ZFP14: variants seen among roughly 807,000 people sequenced by gnomAD.
The protein encoded by ZFP14 is zinc finger protein 14 homolog.
A neutral mutation model predicts 54.5 loss-of-function variants in ZFP14; 22 were observed. The observed-to-expected ratio is 0.40, with a 90% CI of 0.29 to 0.58. The LOEUF (loss-of-function observed/expected upper bound fraction) is 0.58. Ranked by LOEUF, ZFP14 falls within the 20% of genes least tolerant of loss-of-function variation. The pLI is 0.39. For missense variants in ZFP14, 470 were observed against 637.8 expected, an observed-to-expected ratio of 0.74 and a Z score of 2.83; for synonymous variants, 159 against 204.0, an observed-to-expected ratio of 0.78 and a Z score of 1.88.
chr19:36,366,302 A>G (rs2031794144), intron 2 of ZFP14, among the ~76,000 whole-genome samples: 1 of 151,886 alleles, frequency 6.6e-6, no homozygotes, highest in African/African-American at 2.4e-5. Context: ...ATATGATTCC[A>G]CTTGAACAAA....
Position 36,340,255 on chromosome 19 carries a change from G to A in ZFP14, c.1571C>T (p.Thr524Ile), listed in dbSNP as rs752902626. ...KKAFRQHSHL[T>I]QHQKIHNGI ...TCCATTATGAATCTTCTGATGCTGA[G>A]TAAGGTGTGAATGCTGTCTAAAGGC... The change falls in exon 5 of 5, where the codon ACT becomes ATT. Residue 524 changes from threonine to isoleucine, a missense_variant. Physicochemically the swap from Thr to Ile is moderately conservative, Grantham distance 89 (BLOSUM62 -1). Transcript: ENST00000270001. This position sits in a 1 kb window ranked among gnomAD's most constrained non-coding sequence, Gnocchi z 5.4. The A allele has an allele frequency of 2.5e-6, 4 of 1,595,448 alleles. No individual in the cohort carries two copies. The highest frequency in any genetic ancestry group is 3.4e-6 in the Non-Finnish European group (4 of 1,170,148).
chr19:36,348,471 T>A (rs1245586235), intron 4 of ZFP14, among the ~76,000 whole-genome samples: 1 of 152,116 alleles, frequency 6.6e-6, no homozygotes, highest in African/African-American at 2.4e-5. Flanking sequence ...GGAGGATGTC[T>A]TACCAGGACA....
At position 36,362,161 on chromosome 19, in the gene ZFP14, G is replaced by A. The variant is rs1600079897; in HGVS notation, c.87C>T (p.Asp29=). 1 of 1,612,028 alleles carries A rather than the reference G, an allele frequency of 6.2e-7. No individual in the cohort carries two copies. The highest frequency in any genetic ancestry group is 8.5e-7 in the Non-Finnish European group (1 of 1,179,072). The part of the protein sequence containing the change: ...EWEFLDPAQR[D]LYRDVMWENY... ...TCTCCCACATTACATCCCTATATAA[G>A]TCCCTCTGAGCAGGATCCAGGAATT... is the stretch of plus-strand genomic sequence containing the variant. Residue 29 remains aspartate, a synonymous_variant, in exon 3 of 5, where the codon GAC becomes GAT. Coordinates refer to ENST00000270001, the MANE Select transcript of ZFP14 (RefSeq NM_020917.3).
intron 1 of ZFP14, among the ~76,000 whole-genome samples, chr19:36,375,069 C>A (rs2031939172): frequency 6.6e-6 from 1 of 152,256 alleles, no homozygotes; most frequent in South Asian, 2.1e-4. Context: ...CTTCTAAGCA[C>A]TGAAGGCAGC....
At chr19:36,358,375 T>C (rs1489665621) in intron 4 of ZFP14, among the ~76,000 whole-genome samples, 1 of 152,180 alleles carries the variant, frequency 6.6e-6, no homozygotes, top group African/African-American at 2.4e-5. Flanking sequence ...CCTCCCAAAG[T>C]GCTAGGATTA....
chr19:36,350,330 G>A (rs1354101701), intron 4 of ZFP14, among the ~76,000 whole-genome samples: 1 of 142,200 alleles, frequency 7.0e-6, no homozygotes, highest in Non-Finnish European at 1.6e-5. Flanking sequence ...GCTGAGCCTA[G>A]TGACTCAGGC....
intron 1 of ZFP14, among the ~76,000 whole-genome samples, chr19:36,374,656 T>C (rs1001793785): frequency 6.6e-6 from 1 of 152,158 alleles, no homozygotes; most frequent in Non-Finnish European, 1.5e-5. Context: ...TTAAAAATGA[T>C]GTTGCCTTAA....
intron 1 of ZFP14, among the ~76,000 whole-genome samples, chr19:36,372,988 T>C (rs571928529): frequency 1.3e-5 from 2 of 152,222 alleles, no homozygotes; most frequent in Admixed American, 1.3e-4. Context: ...TCTTAAAAAG[T>C]TGATCTCGAC....
intron 1 of ZFP14, among the ~76,000 whole-genome samples, chr19:36,377,608 G>C (rs1197623270): frequency 6.6e-6 from 1 of 151,662 alleles, no homozygotes; most frequent in Non-Finnish European, 1.5e-5. Context: ...TCTTCAGGAG[G>C]TTTACTTCCA....
chr19:36,370,997 T>C (rs1259413322), intron 1 of ZFP14, among the ~76,000 whole-genome samples: 2 of 152,220 alleles, frequency 1.3e-5, no homozygotes, highest in Non-Finnish European at 1.5e-5. Context: ...GCACAGTGGC[T>C]CACACTTGTA....
intron 3 of ZFP14, among the ~76,000 whole-genome samples, chr19:36,361,207 T>A (rs1410610033): frequency 1.3e-5 from 2 of 152,214 alleles, no homozygotes; most frequent in Non-Finnish European, 2.9e-5. Flanking sequence ...TAGGTAGAAC[T>A]GCATATGTCT....
At chr19:36,368,029 G>A (rs961813846) in intron 1 of ZFP14, 58 bp from the exon 2 acceptor site, 30 of 1,021,202 alleles carry the variant, frequency 2.9e-5, no homozygotes, top group Non-Finnish European at 3.9e-5. Flanking sequence ...CCAAAATGAT[G>A]TACATCATAA....
intron 4 of ZFP14, among the ~76,000 whole-genome samples, chr19:36,357,413 G>A (rs548331575): frequency 1.3e-5 from 2 of 152,262 alleles, no homozygotes; most frequent in Middle Eastern, 3.4e-3. Context: ...CATAAGTTGG[G>A]ACACTCATCA....
chr19:36,363,548 G>A (rs993602860), intron 2 of ZFP14, among the ~76,000 whole-genome samples: 1 of 151,968 alleles, frequency 6.6e-6, no homozygotes, highest in African/African-American at 2.4e-5. Flanking sequence ...AAAGACATCC[G>A]GCCATATCTG....
intron 4 of ZFP14, among the ~76,000 whole-genome samples, chr19:36,342,793 C>CA (rs36105688): frequency 6.6e-5 from 10 of 151,642 alleles, no homozygotes; most frequent in Non-Finnish European, 1.3e-4. Context: ...TTTCTTAAAA[C>CA]GGGTGAAAGG....
In ZFP14 at chr19:36,336,449, G is replaced by A. The variant is rs1397922289; in HGVS notation, c.*3775C>T. 1.3e-5 allele frequency: 2 copies of A among 151,898 alleles called. No homozygotes were observed. The highest frequency in any genetic ancestry group is 2.9e-5 in the Non-Finnish European group (2 of 68,010). 9.4% of individuals were successfully genotyped at this position (151,898 alleles called of 1,614,324 possible). On this transcript the variant is annotated 3_prime_UTR_variant, in exon 5 of 5. Transcript: ENST00000270001. ...AGATGGGGTTTCTCAGTGTTGGTCA[G>A]GCTGGTCTCAAAATCCCGACCTCAG...
intron 1 of ZFP14, among the ~76,000 whole-genome samples, chr19:36,368,616 C>T (rs1224406267): frequency 1.3e-5 from 2 of 152,122 alleles, no homozygotes; most frequent in African/African-American, 4.8e-5. Context: ...TGAGCAGCTC[C>T]TCCTCACTCT....
chr19:36,365,012 T>C (rs2031771714), intron 2 of ZFP14, among the ~76,000 whole-genome samples: 3 of 124,784 alleles, frequency 2.4e-5, no homozygotes, highest in Non-Finnish European at 5.0e-5. Context: ...TTTTTTTTTT[T>C]TTTTTTTTTT....
At chr19:36,362,088 A>G (rs376420428) in intron 3 of ZFP14, 24 bp downstream of exon 3, 5 of 1,575,114 alleles carry the variant, frequency 3.2e-6, no homozygotes, top group Non-Finnish European at 4.3e-6. Flanking sequence ...GAAAGCTAAT[A>G]TCATTTGGGA....
Sources: gnomAD v4.1 joint callset for allele counts (sites outside exome capture counted in the v4.1 genomes callset) on GRCh38, gnomAD v4.1.1 for gene constraint, Gnocchi (gnomAD v3.1) non-coding constraint, MANE v1.5 for transcripts, NCBI Gene and HGNC (gene_info 2026-07-23, HGNC 2026-07-21) for gene names.